Variants in PTPRG observed in about 807,000 individuals in gnomAD.
PTPRG encodes the protein protein tyrosine phosphatase receptor type G, also known as receptor-type tyrosine-protein phosphatase gamma.
A neutral mutation model predicts 165.3 loss-of-function variants in PTPRG; 102 were observed. The observed-to-expected ratio is 0.62, with a 90% CI of 0.53 to 0.73. The LOEUF (loss-of-function observed/expected upper bound fraction) is 0.73, where lower values mean the gene tolerates loss of function less well. Among genes scored for constraint, PTPRG ranks in the 30% least tolerant of loss-of-function variants. The probability of loss-of-function intolerance (pLI) is 0.00; values close to 1 mark genes in which losing one functional copy is unlikely to be tolerated. For missense variants in PTPRG, 1,866 were observed against 1,861.4 expected (o/e 1.00, Z -0.05); for synonymous variants, 675 against 669.5 (o/e 1.01, Z -0.13).
chr3:62,212,431 TG>T lies in PTPRG; in HGVS notation c.2156-6419del, dbSNP rs530725141. 2.9e-3 allele frequency among the ~76,000 whole-genome samples: 437 copies of T among 152,350 alleles called. 2 individuals carry two copies. Among genetic ancestry groups the T allele is most frequent in the African/African-American group, 0.01 (429 of 41,592 alleles). ...TAAACAGAATTGGAGAAAGCTGCTT[TG>T]TACAGAAAGAGCCTCTTCTCTTGAG... is the stretch of plus-strand genomic sequence containing the variant. On this transcript the variant is annotated intron_variant, in intron 12 of 29. Coordinates refer to ENST00000474889, the MANE Select transcript of PTPRG (RefSeq NM_002841.4).
chr3:61,679,296 C>A (rs963412312), intron 1 of PTPRG, among the ~76,000 whole-genome samples: 1 of 152,210 alleles, frequency 6.6e-6, no homozygotes, highest in Non-Finnish European at 1.5e-5. Context: ...GAGATCTTGA[C>A]AGCCTGTCAG....
intron 26 of PTPRG, among the ~76,000 whole-genome samples, chr3:62,280,377 GT>G (rs1702389468): frequency 6.6e-6 from 1 of 151,912 alleles, no homozygotes; most frequent in Admixed American, 6.6e-5. Flanking sequence ...ATACAACTCA[GT>G]AGTAGAATCA....
At chr3:62,256,034 G>A (rs1256923194) in intron 16 of PTPRG, among the ~76,000 whole-genome samples, 1 of 152,124 alleles carries the variant, frequency 6.6e-6, no homozygotes, top group African/African-American at 2.4e-5. Flanking sequence ...GAGTTGTGTC[G>A]AGGAGGCCAA....
intron 1 of PTPRG, among the ~76,000 whole-genome samples, chr3:61,660,591 T>C (rs1244628737): frequency 1.3e-5 from 2 of 152,212 alleles, no homozygotes; most frequent in Non-Finnish European, 2.9e-5. Flanking sequence ...TTAAAGGCAG[T>C]ACCTCATGGT....
chr3:62,170,927 A>C (rs565887222), intron 8 of PTPRG, among the ~76,000 whole-genome samples: 1 of 152,248 alleles, frequency 6.6e-6, no homozygotes, highest in African/African-American at 2.4e-5. Flanking sequence ...GGACTCCCCC[A>C]TCATCCCCCT....
intron 2 of PTPRG, among the ~76,000 whole-genome samples, chr3:61,959,511 C>T (rs2040103951): frequency 6.6e-6 from 1 of 152,222 alleles, no homozygotes; most frequent in African/African-American, 2.4e-5. Flanking sequence ...AATGCTGCCG[C>T]TGACCTAACC....
At chr3:61,813,905 T>TGGG (rs397942138) in intron 2 of PTPRG, among the ~76,000 whole-genome samples, 6 of 147,194 alleles carry the variant, frequency 4.1e-5, no homozygotes, top group African/African-American at 1.3e-4. Flanking sequence ...TTTTTTTTTT[T>TGGG]GGGGGGGGTT....
At chr3:61,809,825 GC>G (rs2035520732) in intron 2 of PTPRG, among the ~76,000 whole-genome samples, 1 of 152,188 alleles carries the variant, frequency 6.6e-6, no homozygotes, top group South Asian at 2.1e-4. Flanking sequence ...AGCCACGGAA[GC>G]TTTTTGAGCG....
intron 2 of PTPRG, among the ~76,000 whole-genome samples, chr3:61,950,919 C>T (rs1330474485): frequency 3.3e-5 from 5 of 152,196 alleles, no homozygotes; most frequent in Non-Finnish European, 7.3e-5. Flanking sequence ...TTGCAGTAAT[C>T]CTATGTCCTG....
At chr3:61,847,078 G>T (rs1471586906) in intron 2 of PTPRG, among the ~76,000 whole-genome samples, 1 of 152,164 alleles carries the variant, frequency 6.6e-6, no homozygotes, top group Non-Finnish European at 1.5e-5. Context: ...CCAGTCATAT[G>T]TTGAATTCCT....
chr3:61,905,338 C>T (rs147595645), intron 2 of PTPRG, among the ~76,000 whole-genome samples: 2 of 152,038 alleles, frequency 1.3e-5, no homozygotes, highest in African/African-American at 4.8e-5. Context: ...TCTTGTCATG[C>T]GCTTTTCAGG....
At chr3:62,024,116 GACA>G (rs1180668220) in intron 4 of PTPRG, among the ~76,000 whole-genome samples, 3 of 152,124 alleles carry the variant, frequency 2.0e-5, no homozygotes, top group South Asian at 2.1e-4. Flanking sequence ...TTTTTTGACT[GACA>G]ACTATGTTTA....
chr3:61,730,824 T>C (rs967759641), intron 1 of PTPRG, among the ~76,000 whole-genome samples: 2 of 152,200 alleles, frequency 1.3e-5, no homozygotes, highest in Admixed American at 6.5e-5. Context: ...GAGTAAACTT[T>C]AGGGAAAGGG....
At chr3:62,092,773 C>A (rs1701986232) in intron 5 of PTPRG, among the ~76,000 whole-genome samples, 2 of 152,094 alleles carry the variant, frequency 1.3e-5, no homozygotes, top group African/African-American at 2.4e-5. Flanking sequence ...TGTAGTAAGT[C>A]CTCAGTAAAT....
chr3:62,277,331 C>G (rs565394935), intron 25 of PTPRG, among the ~76,000 whole-genome samples: 1 of 152,222 alleles, frequency 6.6e-6, no homozygotes, highest in Non-Finnish European at 1.5e-5. Flanking sequence ...TAAGTGAAAA[C>G]AGCAGGGTTA....
chr3:61,920,488 C>T (rs913800143), intron 2 of PTPRG, among the ~76,000 whole-genome samples: 24 of 152,160 alleles, frequency 1.6e-4, no homozygotes, highest in Non-Finnish European at 1.5e-4. Flanking sequence ...CTCCACCTCC[C>T]GGGTTCAAGT....
intron 2 of PTPRG, among the ~76,000 whole-genome samples, chr3:61,970,285 G>T (rs554529936): frequency 6.6e-6 from 1 of 152,272 alleles, no homozygotes; most frequent in Admixed American, 6.5e-5. Flanking sequence ...ACCTCTGTCT[G>T]TGTTTTAGTG....
chr3:61,668,682 A>T (rs989170871), intron 1 of PTPRG, among the ~76,000 whole-genome samples: 7 of 152,080 alleles, frequency 4.6e-5, no homozygotes, highest in South Asian at 2.1e-4. Flanking sequence ...GCTTTTTTTT[A>T]AAAAAGGTTA....
chr3:62,223,272 G>A (rs1000020457), intron 13 of PTPRG, among the ~76,000 whole-genome samples: 4 of 152,248 alleles, frequency 2.6e-5, no homozygotes, highest in African/African-American at 9.6e-5. Flanking sequence ...ACTGTAACAC[G>A]GGCCTATAGT....
Sources: gnomAD v4.1 joint callset for allele counts (sites outside exome capture counted in the v4.1 genomes callset) on GRCh38, gnomAD v4.1.1 for gene constraint, MANE v1.5 for transcripts, NCBI Gene and HGNC (gene_info 2026-07-23, HGNC 2026-07-21) for gene names.